The following SCML4 variants were observed in gnomAD, a reference collection of about 807,000 sequenced individuals.
The protein encoded by SCML4 is sex comb on midleg-like protein 4.
In SCML4, 34 loss-of-function variants were observed where a neutral mutation model predicts 41.1. The ratio of observed to expected loss-of-function variants is 0.83; its 90% CI spans 0.63 to 1.10. The LOEUF (loss-of-function observed/expected upper bound fraction) is 1.10. SCML4 is among the 50% of genes least tolerant of loss of function. The pLI, the probability that SCML4 is intolerant of heterozygous loss-of-function variation, is 0.00. For synonymous variants in SCML4, 214 were observed against 220.9 expected, an observed-to-expected ratio of 0.97 and a Z score of 0.28; for missense variants, 522 against 534.1, an observed-to-expected ratio of 0.98 and a Z score of 0.22.
At chr6:107,758,594 C>T (rs754320854) in intron 2 of SCML4, among the ~76,000 whole-genome samples, 1 of 152,108 alleles carries the variant, frequency 6.6e-6, no homozygotes, top group Admixed American at 6.5e-5. Context: ...AACCCAATGA[C>T]TGGTGTGCTT....
the SCML4 span, among the ~76,000 whole-genome samples, chr6:107,829,996 C>T: frequency 6.6e-6 from 1 of 152,174 alleles, no homozygotes; most frequent in East Asian, 1.9e-4. Flanking sequence ...AAGCCTGCTC[C>T]CACATCCTCC....
intron 1 of SCML4, among the ~76,000 whole-genome samples, chr6:107,773,700 G>A (rs1210368311): frequency 6.6e-6 from 1 of 151,848 alleles, no homozygotes; most frequent in African/African-American, 2.4e-5. Context: ...GGTATCATGA[G>A]TTCAGGGGTC....
intron 2 of SCML4, among the ~76,000 whole-genome samples, chr6:107,751,630 CT>C (rs1562218915): frequency 7.2e-4 from 103 of 142,112 alleles, no homozygotes; most frequent in African/African-American, 2.7e-3. Flanking sequence ...TTCTTTCTTT[CT>C]TTCTTTCTTT....
chr6:107,822,015 T>C (rs967804432), intron 1 of SCML4, among the ~76,000 whole-genome samples: 1 of 152,216 alleles, frequency 6.6e-6, no homozygotes, highest in African/African-American at 2.4e-5. Context: ...TTGTTATGAT[T>C]TCAGGGAACT....
At chr6:107,747,684 T>G (rs1228532281) in intron 3 of SCML4, among the ~76,000 whole-genome samples, 1 of 151,718 alleles carries the variant, frequency 6.6e-6, no homozygotes, top group Admixed American at 6.6e-5. Flanking sequence ...ATATGATAGA[T>G]TTCAGTAAAT....
At chr6:107,780,397 A>T (rs1469837844) in intron 1 of SCML4, among the ~76,000 whole-genome samples, 2 of 152,182 alleles carry the variant, frequency 1.3e-5, no homozygotes, top group Non-Finnish European at 2.9e-5. Context: ...TCCCTTGGAT[A>T]CTATTCTCCA....
At chr6:107,761,757 G>A (rs567013087) in intron 2 of SCML4, among the ~76,000 whole-genome samples, 160 of 151,668 alleles carry the variant, frequency 1.1e-3, no homozygotes, top group African/African-American at 3.8e-3. Flanking sequence ...TCGTCTATGT[G>A]CTTCAAGGGA....
intron 1 of SCML4, among the ~76,000 whole-genome samples, chr6:107,812,318 C>G (rs902627646): frequency 2.0e-5 from 3 of 152,318 alleles, no homozygotes; most frequent in African/African-American, 7.2e-5. Context: ...ACAATACCAC[C>G]AGGGTTTCAG....
At chr6:107,834,234 A>G in the SCML4 span, among the ~76,000 whole-genome samples, 1 of 152,178 alleles carries the variant, frequency 6.6e-6, no homozygotes, top group African/African-American at 2.4e-5. Context: ...GGAGGACTAA[A>G]AACAAGACTG....
intron 2 of SCML4, among the ~76,000 whole-genome samples, chr6:107,766,386 AG>A (rs1266001121): frequency 6.9e-6 from 1 of 145,896 alleles, no homozygotes; most frequent in East Asian, 2.0e-4. Flanking sequence ...AAAAAAAAAA[AG>A]GGTTCAAGGC....
intron 1 of SCML4, among the ~76,000 whole-genome samples, chr6:107,803,816 C>G (rs1336512318): frequency 6.6e-6 from 1 of 151,088 alleles, no homozygotes; most frequent in Non-Finnish European, 1.5e-5. Context: ...AAGGGTGGTG[C>G]AAGATGTGCT....
At chr6:107,831,859 C>A in the SCML4 span, among the ~76,000 whole-genome samples, 4 of 151,562 alleles carry the variant, frequency 2.6e-5, no homozygotes, top group Admixed American at 2.6e-4. Context: ...CGAGACCATC[C>A]TGGCTAACAC....
chr6:107,704,957 T>G lies in SCML4; in HGVS notation c.*243A>C. 1 of 566,756 alleles carries G rather than the reference T, an allele frequency of 1.8e-6. No individual in the cohort carries two copies. Among genetic ancestry groups the G allele is most frequent in the Non-Finnish European group, 3.1e-6 (1 of 319,716 alleles). 35.1% of individuals were successfully genotyped at this position (566,756 alleles called of 1,614,324 possible). On this transcript the variant is annotated 3_prime_UTR_variant, in exon 8 of 8. Coordinates refer to ENST00000369020, the MANE Select transcript of SCML4 (RefSeq NM_198081.5). The stretch of plus-strand genomic sequence containing the variant: ...TTAAGAGAAACCAGCATAACAGGGA[T>G]GTTAAAAATCACAGGCTTTTGTAAT...
At chr6:107,802,580 G>GAGGAAGGACGGA (rs1554222237) in intron 1 of SCML4, among the ~76,000 whole-genome samples, 546 of 36,438 alleles carry the variant, frequency 0.015, 51 homozygotes, top group African/African-American at 0.042. Flanking sequence ...GGGAGGGAGG[G>GAGGAAGGACGGA]AGGAAGGAAG....
At chr6:107,751,616 T>TCTCTCTCTCTC (rs1562218800) in intron 2 of SCML4, among the ~76,000 whole-genome samples, 1 of 147,706 alleles carries the variant, frequency 6.8e-6, no homozygotes, top group East Asian at 2.1e-4. Context: ...CTTTCTTTCT[T>TCTCTCTCTCTC]TCTTTCTTTC....
chr6:107,778,228 T>A (rs1365337890), intron 1 of SCML4, among the ~76,000 whole-genome samples: 1,388 of 6,592 alleles, frequency 0.21, 18 homozygotes, highest in Non-Finnish European at 0.3. Context: ...AAAAAATATA[T>A]ATATATATAT....
chr6:107,749,815 TG>T lies in SCML4; in HGVS notation c.157-3del, dbSNP rs2114507402. On this transcript the variant is annotated splice_region_variant and splice_polypyrimidine_tract_variant and intron_variant, in intron 2 of 7. Coordinates refer to ENST00000369020, the MANE Select transcript of SCML4 (RefSeq NM_198081.5). ...AGTCATGAGAACCCGAGACTTGATC[TG>T]GAAGAGAGAGCCCATTTGGTCAATG... 1.2e-6 allele frequency: 2 copies of T among 1,614,048 alleles called. No homozygotes were observed. Among genetic ancestry groups the T allele is most frequent in the East Asian group, 4.5e-5 (2 of 44,878 alleles).
At position 107,772,213 on chromosome 6, in the gene SCML4, C is replaced by T; in HGVS notation, c.115G>A (p.Val39Met). ...YSASAGSLPA[V>M]KIPKKRGRKP... ...CGCCCTCTTTTCTTTGGGATCTTCA[C>T]TGCTGGTAAAGAGCCAGCTGAAGCA... Residue 39 changes from valine (V) to methionine (M), a missense_variant, in exon 2 of 8, where the codon GTG becomes ATG. Coordinates refer to ENST00000369020, the MANE Select transcript of SCML4 (RefSeq NM_198081.5). 1 of 1,551,562 alleles carries T rather than the reference C, an allele frequency of 6.4e-7. No individual in the cohort carries two copies. Among genetic ancestry groups the T allele is most frequent in the Non-Finnish European group, 8.7e-7 (1 of 1,146,942 alleles).
the SCML4 span, among the ~76,000 whole-genome samples, chr6:107,830,387 A>G: frequency 1.3e-5 from 2 of 152,188 alleles, no homozygotes; most frequent in African/African-American, 4.8e-5. Context: ...TTTTGGTGGA[A>G]GCACAGCCCA....
Sources: allele counts gnomAD v4.1 joint callset (sites outside exome capture counted in the v4.1 genomes callset), GRCh38; gene constraint gnomAD v4.1.1; transcripts MANE v1.5; gene names NCBI Gene and HGNC (gene_info 2026-07-23, HGNC 2026-07-21).